The following TAFA2 variants were observed in gnomAD, a reference collection of about 807,000 sequenced individuals.
The protein encoded by TAFA2 is TAFA chemokine like family member 2, also known as chemokine-like protein TAFA-2.
TAFA2 carries 7 observed loss-of-function variants against 18.8 expected under a neutral mutation model. The observed-to-expected ratio is 0.37, with a 90% CI of 0.21 to 0.70. The LOEUF is 0.70. Among genes scored for constraint, TAFA2 ranks in the 30% least tolerant of loss-of-function variants. The pLI, the probability that TAFA2 is intolerant of heterozygous loss-of-function variation, is 0.53. For synonymous variants in TAFA2, 60 were observed against 54.2 expected (o/e 1.11, Z -0.47); for missense variants, 122 against 158.1 (o/e 0.77, Z 1.23).
intron 1 of TAFA2, among the ~76,000 whole-genome samples, chr12:61,928,840 A>C (rs1877423223): frequency 6.6e-6 from 1 of 152,114 alleles, no homozygotes; most frequent in Non-Finnish European, 1.5e-5. Context: ...CAGCCAAAAA[A>C]AACATGAGTC....
intron 1 of TAFA2, among the ~76,000 whole-genome samples, chr12:62,029,178 T>C (rs1881384903): frequency 6.6e-6 from 1 of 152,116 alleles, no homozygotes; most frequent in African/African-American, 2.4e-5. Context: ...CTAAATGAAA[T>C]CAGGCAAGCT....
At chr12:61,820,182 T>C (rs974588549) in intron 2 of TAFA2, among the ~76,000 whole-genome samples, 1 of 152,042 alleles carries the variant, frequency 6.6e-6, no homozygotes, top group African/African-American at 2.4e-5. Context: ...AGATCAATGG[T>C]GATGTAGTGA....
At chr12:61,984,382 G>A (rs180930900) in intron 1 of TAFA2, among the ~76,000 whole-genome samples, 3 of 152,322 alleles carry the variant, frequency 2.0e-5, no homozygotes, top group Admixed American at 6.5e-5. Context: ...TGTCATTCAC[G>A]TAGCTCTTTC....
chr12:61,852,580 T>C (rs17577207), intron 2 of TAFA2, among the ~76,000 whole-genome samples: 43,391 of 152,056 alleles, frequency 0.29, 6,893 homozygotes, highest in South Asian at 0.4. Flanking sequence ...AAGTCCAAAA[T>C]TAAATGCACA....
chr12:62,128,083 T>C (rs1022265645), intron 1 of TAFA2, among the ~76,000 whole-genome samples: 1 of 151,934 alleles, frequency 6.6e-6, no homozygotes, highest in African/African-American at 2.4e-5. Context: ...GTGTTTTATT[T>C]TGGACATGTT....
intron 1 of TAFA2, among the ~76,000 whole-genome samples, chr12:62,245,197 C>G (rs2062879297): frequency 6.6e-6 from 1 of 151,590 alleles, no homozygotes; most frequent in Admixed American, 6.6e-5. Context: ...TTATTTTTTC[C>G]TATGGATATC....
chr12:61,743,118 A>C (rs902242171), intron 4 of TAFA2, among the ~76,000 whole-genome samples: 7 of 152,100 alleles, frequency 4.6e-5, no homozygotes, highest in Admixed American at 3.9e-4. Context: ...CTCATTACAT[A>C]CTTCCCCTCA....
intron 1 of TAFA2, among the ~76,000 whole-genome samples, chr12:61,952,097 TA>T (rs1878489020): frequency 6.6e-6 from 1 of 152,102 alleles, no homozygotes; most frequent in South Asian, 2.1e-4. Flanking sequence ...CAGCCTTCTT[TA>T]TTTATGTGTG....
chr12:61,944,992 G>T (rs946081644), intron 1 of TAFA2, among the ~76,000 whole-genome samples: 17 of 150,590 alleles, frequency 1.1e-4, no homozygotes, highest in Non-Finnish European at 2.4e-4. Flanking sequence ...GACTGGCAGA[G>T]ACACAACCAA....
intron 1 of TAFA2, among the ~76,000 whole-genome samples, chr12:61,878,321 C>T (rs185799199): frequency 6.6e-6 from 1 of 152,138 alleles, no homozygotes; most frequent in Non-Finnish European, 1.5e-5. Context: ...GTCTATTTTA[C>T]AACAATAAAA....
intron 1 of TAFA2, among the ~76,000 whole-genome samples, chr12:62,043,510 GT>G (rs1247068134): frequency 6.6e-6 from 1 of 152,090 alleles, no homozygotes; most frequent in Non-Finnish European, 1.5e-5. Flanking sequence ...TACACCTAAT[GT>G]TAAATGGCGA....
chr12:62,053,650 A>G (rs1298660567), intron 1 of TAFA2, among the ~76,000 whole-genome samples: 1 of 152,250 alleles, frequency 6.6e-6, no homozygotes, highest in Non-Finnish European at 1.5e-5. Flanking sequence ...ATTCATTAGA[A>G]AAATGTTGAA....
Position 62,132,199 on chromosome 12 carries a change from C to G in TAFA2, c.-2+59060G>C, listed in dbSNP as rs572235642. On this transcript the variant is annotated intron_variant, in intron 1 of 4. Coordinates refer to ENST00000416284, the MANE Select transcript of TAFA2 (RefSeq NM_178539.5). ...AATAAACAATTCGAGCTCACATTCA[C>G]AAAAAGTTACCTTAATCTGGATTTT... 2.0e-5 allele frequency among the ~76,000 whole-genome samples: 3 copies of G among 151,790 alleles called. No individual in the cohort carries two copies. In the South Asian group the frequency reaches 6.2e-4, roughly 32 times the overall value.
intron 2 of TAFA2, among the ~76,000 whole-genome samples, chr12:61,820,529 G>A (rs1422527974): frequency 2.6e-5 from 4 of 151,284 alleles, no homozygotes; most frequent in Non-Finnish European, 3.0e-5. Context: ...AAGAAGAGAA[G>A]GAGGAGAAAG....
chr12:62,259,251 A>G (rs1371454208), upstream of TAFA2, among the ~76,000 whole-genome samples: 1 of 152,198 alleles, frequency 6.6e-6, no homozygotes, highest in Non-Finnish European at 1.5e-5. Context: ...ATGCTCGGGA[A>G]TACTTAAGTA....
chr12:62,171,450 C>T (rs546923722), intron 1 of TAFA2, among the ~76,000 whole-genome samples: 1 of 152,262 alleles, frequency 6.6e-6, no homozygotes, highest in Non-Finnish European at 1.5e-5. Context: ...TTGGTAATTG[C>T]TATGGTCTAA....
chr12:61,940,896 G>A (rs1877976143), intron 1 of TAFA2, among the ~76,000 whole-genome samples: 1 of 142,898 alleles, frequency 7.0e-6, no homozygotes, highest in South Asian at 2.2e-4. Flanking sequence ...TTTATTTAAG[G>A]GGAAAATAAT....
At chr12:62,259,895 A>G (rs998236886), upstream of TAFA2, 1 of 161,162 alleles carries the variant, frequency 6.2e-6, no homozygotes, top group Non-Finnish European at 1.4e-5. Context: ...GTGTGTGCCC[A>G]TATTCACCGA....
rs541302101 is a variant in TAFA2 at position 62,238,227 on chromosome 12, T to A, written c.-130+20536A>T. Among the ~76,000 whole-genome samples, 141 of 152,298 alleles carry A rather than the reference T, an allele frequency of 9.3e-4. 1 individual carries two copies. The highest frequency in any genetic ancestry group is 1.9e-3 in the South Asian group (9 of 4,828). ...CTTGATGGGTAGAAAAGTCCATTTC[T>A]CTTATTGTCTTCTCAGAGTTTCTCA... On this transcript the variant is annotated intron_variant, in intron 1 of 5. Transcript: ENST00000551619.
Sources: gnomAD v4.1 joint callset for allele counts (sites outside exome capture counted in the v4.1 genomes callset) on GRCh38, gnomAD v4.1.1 for gene constraint, MANE v1.5 for transcripts, NCBI Gene and HGNC (gene_info 2026-07-23, HGNC 2026-07-21) for gene names.